SLCO4A1: variants seen among roughly 807,000 people sequenced by gnomAD.
SLCO4A1 encodes colon organic anion transporter.
SLCO4A1 carries 51 observed loss-of-function variants against 64.6 expected under a neutral mutation model. The observed-to-expected ratio is 0.79, with a 90% CI of 0.63 to 1.00. The LOEUF (loss-of-function observed/expected upper bound fraction) is 1.00. SLCO4A1 is among the 50% of genes least tolerant of loss of function. The pLI is 0.00. For synonymous variants in SLCO4A1, 471 were observed against 444.9 expected (o/e 1.06, Z -0.74); for missense variants, 919 against 980.5 (o/e 0.94, Z 0.84).
chr20:62,661,041 C>CCCCCCCCCCCCCCCCAACA lies in SLCO4A1; in HGVS notation c.1010-23_1010-22insCCCCCCCCCCCCCCCAACA. The CCCCCCCCCCCCCCCCAACA allele has an allele frequency of 4.9e-6, 7 of 1,424,138 alleles. No homozygotes were observed. The highest frequency in any genetic ancestry group is 1.1e-5 in the South Asian group (1 of 87,258). The allele number at this position is 1,424,138 out of a possible 1,614,324, so 88.2% of individuals were successfully genotyped here. On this transcript the variant is annotated intron_variant, in intron 4 of 11. Coordinates refer to ENST00000217159, the MANE Select transcript of SLCO4A1 (RefSeq NM_016354.4). This position sits in a 1 kb window ranked among gnomAD's most constrained non-coding sequence, Gnocchi z 5.2. ...TCCGGGAGCCCCCAGCCCCCAGCCC[C>CCCCCCCCCCCCCCCCAACA]AGCTCACTCTGTGCCCTTCCAGGCT...
At position 62,644,898 on chromosome 20, in the gene SLCO4A1, G is replaced by A. The variant is rs924028330; in HGVS notation, c.-97+2345G>A. ...TGGTGCTGGGGGCAGGAGGGAGCAG[G>A]GCCCTTGGAGCTCTGGGAGAGAGCC... On this transcript the variant is annotated intron_variant, in intron 1 of 11. Transcript: ENST00000217159. This position sits in a 1 kb window ranked among gnomAD's most constrained non-coding sequence, Gnocchi z 5.4. Among the ~76,000 whole-genome samples the A allele has an allele frequency of 6.6e-6, 1 of 152,182 alleles. No homozygotes were observed. The highest frequency in any genetic ancestry group is 2.4e-5 in the African/African-American group (1 of 41,442).
chr20:62,675,037 C>T (rs1987523349), downstream of SLCO4A1, among the ~76,000 whole-genome samples: 1 of 152,148 alleles, frequency 6.6e-6, no homozygotes, highest in Non-Finnish European at 1.5e-5. Flanking sequence ...AAGGACTGTC[C>T]CGCTCCATGC....
chr20:62,652,624 A>G (rs1982800644), intron 1 of SLCO4A1, among the ~76,000 whole-genome samples: 1 of 152,146 alleles, frequency 6.6e-6, no homozygotes, highest in Admixed American at 6.5e-5. Flanking sequence ...GGCGTGGAGC[A>G]TTGCTCTTAC....
At position 62,685,034 on chromosome 20, in the gene SLCO4A1, C is replaced by T. The variant is rs6122386; in HGVS notation, n.212-407C>T. The stretch of plus-strand genomic sequence containing the variant: ...CACCTCAGAGAGACCAGTAATGGGG[C>T]GGATTAGCAGGGGCCAAGGGTCTGG... On this transcript the variant is annotated intron_variant and non_coding_transcript_variant, in intron 2 of 2. Transcript: ENST00000466818. This position sits in a 1 kb window ranked among gnomAD's most constrained non-coding sequence, Gnocchi z 4.6. Among the ~76,000 whole-genome samples, 59,957 of 151,806 alleles carry T rather than the reference C, an allele frequency of 0.39. 12,114 individuals carry two copies. The highest frequency in any genetic ancestry group is 0.45 in the African/African-American group (18,656 of 41,366).
chr20:62,661,048 C>T lies in SLCO4A1; in HGVS notation c.1010-16C>T, dbSNP rs750992730. On this transcript the variant is annotated splice_polypyrimidine_tract_variant and intron_variant, in intron 4 of 11. Transcript: ENST00000217159. The surrounding 1 kb of genome is among the most constrained non-coding windows in gnomAD (Gnocchi z 5.2). Reference sequence around the variant, plus strand: ...GCCCCCAGCCCCCAGCCCCAGCTCACTCTGTGCCCTTCCAGGCTCCCAGCG... The same window carrying T: ...GCCCCCAGCCCCCAGCCCCAGCTCATTCTGTGCCCTTCCAGGCTCCCAGCG... 2.6e-6 allele frequency: 4 copies of T among 1,565,292 alleles called. No homozygotes were observed. In the South Asian group the frequency reaches 4.4e-5, roughly 17 times the overall value.
At chr20:62,664,052 C>T (rs532374004) in intron 5 of SLCO4A1, among the ~76,000 whole-genome samples, 1 of 152,258 alleles carries the variant, frequency 6.6e-6, no homozygotes, top group East Asian at 1.9e-4. Flanking sequence ...CGGCCACCTC[C>T]TGGGTTAGAA....
At chr20:62,653,140 C>A (rs1449076805) in intron 1 of SLCO4A1, among the ~76,000 whole-genome samples, 1 of 152,248 alleles carries the variant, frequency 6.6e-6, no homozygotes, top group Admixed American at 6.5e-5. Context: ...CAGCTGCCCG[C>A]CTTCGTCCCA....
chr20:62,663,717 G>A (rs532335490), intron 5 of SLCO4A1, among the ~76,000 whole-genome samples: 3 of 152,272 alleles, frequency 2.0e-5, no homozygotes, highest in South Asian at 2.1e-4. Context: ...GCACAGGAGC[G>A]TGCTGTGAAC....
intron 1 of SLCO4A1, among the ~76,000 whole-genome samples, chr20:62,643,634 G>A (rs1980807766): frequency 6.6e-6 from 1 of 152,246 alleles, no homozygotes; most frequent in South Asian, 2.1e-4. Flanking sequence ...TGGAACTTGG[G>A]TTACCTCCAT....
In SLCO4A1 at chr20:62,658,625, C is replaced by T. The variant is rs1476829208; in HGVS notation, c.797-52C>T. 17 of 1,481,520 alleles carry T rather than the reference C, an allele frequency of 1.1e-5. No homozygotes were observed. The East Asian group carries it at 1.2e-4, about 10-fold the overall frequency. The allele number at this position is 1,481,520 out of a possible 1,614,324, so 91.8% of individuals were successfully genotyped here. ...AGGCACGGGGCCCCACACGGCCCTC[C>T]GCAGCCCCTGGGTGGTGCACAGCGG... On this transcript the variant is annotated intron_variant, in intron 2 of 11. Coordinates refer to ENST00000217159, the MANE Select transcript of SLCO4A1 (RefSeq NM_016354.4).
At chr20:62,677,187 G>T (rs1489414191), downstream of SLCO4A1, among the ~76,000 whole-genome samples, 2 of 152,320 alleles carry the variant, frequency 1.3e-5, no homozygotes, top group East Asian at 3.9e-4. Context: ...TTGGTGCAGT[G>T]ATGAAATGTT....
chr20:62,647,966 A>T (rs1246778022), intron 1 of SLCO4A1, among the ~76,000 whole-genome samples: 1 of 152,222 alleles, frequency 6.6e-6, no homozygotes, highest in Non-Finnish European at 1.5e-5. Context: ...CAGCATGAGG[A>T]AATCGGAAGA....
At position 62,658,171 on chromosome 20, in the gene SLCO4A1, C is replaced by G. The variant is rs530228707; in HGVS notation, c.797-506C>G. On this transcript the variant is annotated intron_variant, in intron 2 of 11. Coordinates refer to ENST00000217159, the MANE Select transcript of SLCO4A1 (RefSeq NM_016354.4). ...TGCAGTGACCTCAGCCTCCTCATGT[C>G]CTCCTTGAGCTCTGCTCATCCCAGT... is the stretch of plus-strand genomic sequence containing the variant. 2.1e-3 allele frequency among the ~76,000 whole-genome samples: 321 copies of G among 152,370 alleles called. 2 individuals are homozygous for G. The highest frequency in any genetic ancestry group is 7.6e-3 in the African/African-American group (317 of 41,586).
At chr20:62,665,300 C>T in intron 6 of SLCO4A1, 1 of 560,324 alleles carries the variant, frequency 1.8e-6, no homozygotes, top group Non-Finnish European at 3.1e-6. Context: ...CTTTGTGGGA[C>T]ATGCTCCGTA....
At chr20:62,643,024 C>T (rs1169448420) in intron 1 of SLCO4A1, 2 of 470,018 alleles carry the variant, frequency 4.3e-6, no homozygotes, top group East Asian at 1.4e-4. Context: ...CTGCGGCGGC[C>T]GCTGCTGCCG....
intron 1 of SLCO4A1, among the ~76,000 whole-genome samples, chr20:62,652,694 G>T (rs939194187): frequency 6.6e-6 from 1 of 152,218 alleles, no homozygotes; most frequent in African/African-American, 2.4e-5. Flanking sequence ...TCCCAAACCA[G>T]CCTGGCCTGC....
At chr20:62,684,895 C>T (rs1987999178) in intron 2 of SLCO4A1, among the ~76,000 whole-genome samples, 1 of 152,182 alleles carries the variant, frequency 6.6e-6, no homozygotes, top group Non-Finnish European at 1.5e-5. Context: ...AACGACCCGA[C>T]CACACCAGCT....
rs1980894981 is a variant in SLCO4A1 at position 62,644,143 on chromosome 20, C to T, written c.-97+1590C>T. Among the ~76,000 whole-genome samples the T allele has an allele frequency of 6.6e-6, 1 of 152,226 alleles. No individual in the cohort carries two copies. Among genetic ancestry groups the T allele is most frequent in the African/African-American group, 2.4e-5 (1 of 41,448 alleles). ...GTCTGTTCTGGGTTGTCAGTGATCG[C>T]AGGACACCAGTAGGATGTTGCTCGG... On this transcript the variant is annotated intron_variant, in intron 1 of 11. Coordinates refer to ENST00000217159, the MANE Select transcript of SLCO4A1 (RefSeq NM_016354.4). This position sits in a 1 kb window ranked among gnomAD's most constrained non-coding sequence, Gnocchi z 5.4.
intron 7 of SLCO4A1, among the ~76,000 whole-genome samples, chr20:62,667,224 G>A (rs1030717592): frequency 6.6e-6 from 1 of 152,248 alleles, no homozygotes; most frequent in African/African-American, 2.4e-5. Context: ...GACATACTGT[G>A]AAGTGGGAAA....
Sources: allele counts gnomAD v4.1 joint callset (sites outside exome capture counted in the v4.1 genomes callset), GRCh38; gene constraint gnomAD v4.1.1; non-coding constraint Gnocchi (gnomAD v3.1); transcripts MANE v1.5; gene names NCBI Gene and HGNC (gene_info 2026-07-23, HGNC 2026-07-21).